The following EIF4G3 variants were observed in gnomAD, a reference collection of about 807,000 sequenced individuals.
EIF4G3 encodes the protein eukaryotic translation initiation factor 4 gamma 3.
A neutral mutation model predicts 186.4 loss-of-function variants in EIF4G3; 34 were observed. The observed-to-expected ratio is 0.18, with a 90% CI of 0.14 to 0.24. The LOEUF (loss-of-function observed/expected upper bound fraction) is 0.24. Among genes scored for constraint, EIF4G3 ranks in the 10% least tolerant of loss-of-function variants. The pLI is 1.00. For synonymous variants in EIF4G3, 673 were observed against 679.5 expected (o/e 0.99, Z 0.15); for missense variants, 1,536 against 1,948.5 (o/e 0.79, Z 3.99).
chr1:21,001,462 G>C (rs1227913927), intron 5 of EIF4G3, 150 bp from the exon 6 acceptor site: 1 of 372,454 alleles, frequency 2.7e-6, no homozygotes, highest in Admixed American at 3.5e-5. Flanking sequence ...TTTGCAATAG[G>C]AGCTTACCAT....
chr1:20,954,542 A>AAG (rs2096345562), intron 12 of EIF4G3, among the ~76,000 whole-genome samples: 2 of 149,142 alleles, frequency 1.3e-5, no homozygotes. Flanking sequence ...CTCAAAAAAA[A>AAG]AAAAAAAAAA....
At position 20,817,449 on chromosome 1, in the gene EIF4G3, G is replaced by A. The variant is rs138556551; in HGVS notation, c.4458C>T (p.Leu1486=). 1,145 of 1,609,172 alleles carry A rather than the reference G, an allele frequency of 7.1e-4. 4 individuals are homozygous for A. The highest frequency in any genetic ancestry group is 1.3e-3 in the Middle Eastern group (8 of 6,046). ...CTTTGTCCTCAATAATGAGTTTCTCGAGTCGCTTATACAGCTCTTCGGCAG... is the reference window on the plus strand; with the variant it reads ...CTTTGTCCTCAATAATGAGTTTCTCAAGTCGCTTATACAGCTCTTCGGCAG... ...ELSAEELYKR[L]EKLIIEDKAN... Residue 1486 remains leucine (L), a synonymous_variant, in exon 34 of 37, where the codon CTC becomes CTT. Coordinates refer to ENST00000602326, the MANE Select transcript of EIF4G3 (RefSeq NM_001391906.1).
In EIF4G3 at chr1:21,176,256, G is replaced by GCCGCCA; in HGVS notation, c.-354_-353insTGGCGG. 1 of 379,642 alleles carries GCCGCCA rather than the reference G, an allele frequency of 2.6e-6. No homozygotes were observed. The highest frequency in any genetic ancestry group is 4.6e-6 in the Non-Finnish European group (1 of 219,126). The allele number at this position is 379,642 out of a possible 1,614,324, so 23.5% of individuals were successfully genotyped here. On this transcript the variant is annotated 5_prime_UTR_variant, in exon 2 of 37. Transcript: ENST00000602326. ...TGCCGCCGCCGCCGCCGCCGCCGCCGCCGCCGCCGCTGCTGCCGCCGCCGG... is the reference window on the plus strand; with the variant it reads ...TGCCGCCGCCGCCGCCGCCGCCGCCGCCGCCACCGCCGCCGCTGCTGCCGCCGCCGG...
chr1:21,110,883 A>T (rs12732038), intron 2 of EIF4G3, among the ~76,000 whole-genome samples: 4,183 of 152,306 alleles, frequency 0.027, 89 homozygotes, highest in Non-Finnish European at 0.038. Flanking sequence ...TAACTTTTTG[A>T]AAATACTGTA....
chr1:20,981,643 GTATGTA>G (rs2078174376), intron 8 of EIF4G3, among the ~76,000 whole-genome samples: 2 of 118,916 alleles, frequency 1.7e-5, no homozygotes, highest in Non-Finnish European at 3.5e-5. Context: ...CGCACATACT[GTATGTA>G]TACATACATG....
intron 2 of EIF4G3, among the ~76,000 whole-genome samples, chr1:21,127,375 G>A (rs763731085): frequency 5.3e-5 from 8 of 152,164 alleles, no homozygotes; most frequent in East Asian, 1.9e-4. Flanking sequence ...ATGGGCCACC[G>A]CATCTGGCCT....
intron 14 of EIF4G3, among the ~76,000 whole-genome samples, chr1:20,940,389 C>T (rs2095670525): frequency 6.6e-6 from 1 of 152,150 alleles, no homozygotes; most frequent in African/African-American, 2.4e-5. Context: ...AGATGTTCTG[C>T]AGTTCCAAAA....
intron 31 of EIF4G3, 76 bp from the exon 32 acceptor site, chr1:20,827,774 G>C: frequency 1.0e-6 from 1 of 984,258 alleles, no homozygotes; most frequent in Non-Finnish European, 1.6e-6. Context: ...AACAATGTGT[G>C]ACCAAAAACC....
chr1:20,932,658 C>T (rs531095364), intron 14 of EIF4G3, among the ~76,000 whole-genome samples: 1 of 152,150 alleles, frequency 6.6e-6, no homozygotes, highest in South Asian at 2.1e-4. Flanking sequence ...GTTGGTGGAG[C>T]AGTCAGAACA....
intron 4 of EIF4G3, among the ~76,000 whole-genome samples, chr1:21,023,974 T>C (rs368718934): frequency 2.3e-3 from 142 of 60,596 alleles, no homozygotes; most frequent in Middle Eastern, 8.3e-3. Context: ...GTGAGGAGCG[T>C]CTCTGCCCGG....
At chr1:20,903,267 A>T (rs1284369696) in intron 15 of EIF4G3, among the ~76,000 whole-genome samples, 2 of 152,224 alleles carry the variant, frequency 1.3e-5, no homozygotes, top group Non-Finnish European at 2.9e-5. Flanking sequence ...AAATTTGAGG[A>T]ATTGTGACAG....
At chr1:20,923,693 G>A (rs1572899821) in intron 14 of EIF4G3, among the ~76,000 whole-genome samples, 1 of 151,696 alleles carries the variant, frequency 6.6e-6, no homozygotes, top group African/African-American at 2.4e-5. Flanking sequence ...TTACCAGACT[G>A]CAAAGCACAG....
At chr1:20,851,566 G>T (rs918176826) in intron 27 of EIF4G3, 88 bp from the exon 28 acceptor site, 6 of 1,273,862 alleles carry the variant, frequency 4.7e-6, no homozygotes, top group Non-Finnish European at 6.6e-6. Flanking sequence ...AAGACTTTCT[G>T]AAAGTATACA....
At chr1:21,050,697 T>C (rs1227489306) in intron 4 of EIF4G3, among the ~76,000 whole-genome samples, 169 bp downstream of exon 4, 1 of 152,248 alleles carries the variant, frequency 6.6e-6, no homozygotes, top group African/African-American at 2.4e-5. Flanking sequence ...GTGTGAAATT[T>C]GTTAGTAGCC....
chr1:21,170,816 C>A (rs1221289848), intron 2 of EIF4G3, among the ~76,000 whole-genome samples: 1 of 151,894 alleles, frequency 6.6e-6, no homozygotes, highest in East Asian at 1.9e-4. Flanking sequence ...TGGCAAAATC[C>A]ATCTCTACTA....
intron 20 of EIF4G3, among the ~76,000 whole-genome samples, chr1:20,865,632 T>A (rs1172106257): frequency 2.0e-5 from 3 of 152,050 alleles, no homozygotes; most frequent in Non-Finnish European, 4.4e-5. Context: ...AGTATTTTGG[T>A]TTAATAGAAC....
At chr1:20,831,242 TG>T (rs1281895641) in intron 30 of EIF4G3, among the ~76,000 whole-genome samples, 3 of 151,918 alleles carry the variant, frequency 2.0e-5, no homozygotes, top group Non-Finnish European at 4.4e-5. Context: ...AAATTTTAAT[TG>T]AAGAAAGGGA....
intron 29 of EIF4G3, among the ~76,000 whole-genome samples, chr1:20,846,979 T>C (rs917196493): frequency 6.6e-6 from 1 of 152,188 alleles, no homozygotes; most frequent in Non-Finnish European, 1.5e-5. Flanking sequence ...GGAAGATATT[T>C]GGAAAAAATA....
rs1423054177 is a variant in EIF4G3, at chr1:20,825,132, C to T, written c.4336G>A (p.Gly1446Arg). Reference sequence around the variant, plus strand: ...AAAAGAAAATTATGTACATCTTCTCCTTCTGGTAAAAAGTCCTTCCAGCTG... The same window carrying T: ...AAAAGAAAATTATGTACATCTTCTCTTTCTGGTAAAAAGTCCTTCCAGCTG... ...DLSWKDFLPE[G>R]EDVHNFLLEQ... Residue 1446 changes from glycine (G) to arginine (R), a missense_variant, in exon 33 of 37, where the codon GGA becomes AGA. By Grantham distance (125) the Gly-to-Arg change is moderately radical. This residue lies in a region of EIF4G3 where 395 missense variants were observed against 498.9 expected (regional missense o/e 0.79). Coordinates refer to ENST00000602326, the MANE Select transcript of EIF4G3 (RefSeq NM_001391906.1). 1 of 1,612,904 alleles carries T rather than the reference C, an allele frequency of 6.2e-7. No homozygotes were observed. Among genetic ancestry groups the T allele is most frequent in the Non-Finnish European group, 8.5e-7 (1 of 1,179,576 alleles).
Sources: allele counts gnomAD v4.1 joint callset (sites outside exome capture counted in the v4.1 genomes callset), GRCh38; gene constraint gnomAD v4.1.1; regional missense constraint gnomAD v4.1.1; transcripts MANE v1.5; gene names NCBI Gene and HGNC (gene_info 2026-07-23, HGNC 2026-07-21).